The following ABCD3 variants were observed in gnomAD, a reference collection of about 807,000 sequenced individuals.
ABCD3 encodes ATP-binding cassette sub-family D member 3.
ABCD3 carries 41 observed loss-of-function variants against 105.5 expected under a neutral mutation model. The ratio of observed to expected loss-of-function variants is 0.39; its 90% CI spans 0.30 to 0.50. The LOEUF (loss-of-function observed/expected upper bound fraction) is 0.50. Among genes scored for constraint, ABCD3 ranks in the 20% least tolerant of loss-of-function variants. The pLI, the probability that ABCD3 is intolerant of heterozygous loss-of-function variation, is 0.84. For missense variants in ABCD3, 622 were observed against 806.3 expected (o/e 0.77, Z 2.77); for synonymous variants, 258 against 269.0 (o/e 0.96, Z 0.40).
the ABCD3 span, among the ~76,000 whole-genome samples, chr1:94,396,613 G>A: frequency 4.6e-5 from 7 of 151,526 alleles, no homozygotes; most frequent in Admixed American, 2.0e-4. Context: ...GTGTGTGTGC[G>A]CGCGCGCACG....
intron 21 of ABCD3, 143 bp from the exon 22 acceptor site, chr1:94,515,003 A>G: frequency 1.5e-6 from 1 of 665,310 alleles, no homozygotes; most frequent in Non-Finnish European, 2.7e-6. Flanking sequence ...AACATTTTGC[A>G]TCCAGTTGTA....
chr1:94,479,791 A>G (rs967866773), intron 8 of ABCD3, among the ~76,000 whole-genome samples: 1 of 152,060 alleles, frequency 6.6e-6, no homozygotes, highest in African/African-American at 2.4e-5. Flanking sequence ...GAATGAGGGA[A>G]GTGCCTATGA....
At position 94,468,062 on chromosome 1, in the gene ABCD3, T is replaced by C. The variant is rs1648239463; in HGVS notation, c.335+55T>C. On this transcript the variant is annotated intron_variant, in intron 4 of 22. Transcript: ENST00000370214. ...GTATGAAATGCTAATTTGTCTCATA[T>C]TTATGCATTATCTTTATAAGCAACA... 3 of 1,230,360 alleles carry C rather than the reference T, an allele frequency of 2.4e-6. No individual in the cohort carries two copies. In the Admixed American group the frequency reaches 5.1e-5, roughly 21 times the overall value. The allele number at this position is 1,230,360 out of a possible 1,614,324, so 76.2% of individuals were successfully genotyped here. A position where few individuals can be genotyped will look rare whatever the true frequency, so the allele number is the denominator to read the frequency against.
At chr1:94,514,054 A>G (rs993882562) in intron 21 of ABCD3, 5 of 152,084 alleles carry the variant, frequency 3.3e-5, no homozygotes, top group Non-Finnish European at 5.9e-5. Flanking sequence ...TATACTTATA[A>G]TGATCTTTTA....
chr1:94,441,574 T>C (rs531827637), intron 1 of ABCD3, among the ~76,000 whole-genome samples: 3 of 152,266 alleles, frequency 2.0e-5, no homozygotes, highest in African/African-American at 4.8e-5. Context: ...TTACAAACTA[T>C]TGGAGACAAC....
chr1:94,407,803 G>C, the ABCD3 span, among the ~76,000 whole-genome samples: 1 of 152,152 alleles, frequency 6.6e-6, no homozygotes, highest in Non-Finnish European at 1.5e-5. Context: ...TGCAAGCTAA[G>C]AATGGCTTTT....
In ABCD3 at chr1:94,496,694, G is replaced by GTTTTTTTTTTTT. The variant is rs71094302; in HGVS notation, c.1387-1890_1387-1879dup. 2.8e-4 allele frequency among the ~76,000 whole-genome samples: 11 copies of GTTTTTTTTTTTT among 39,374 alleles called. 1 individual carries two copies. Among genetic ancestry groups the GTTTTTTTTTTTT allele is most frequent in the East Asian group, 1.1e-3 (1 of 928 alleles). The allele number at this position is 39,374 out of a possible 152,430, so 25.8% of individuals were successfully genotyped here. On this transcript the variant is annotated intron_variant, in intron 16 of 22. Transcript: ENST00000370214. ...CTTCAGTAAAATCAGCCTTGTTTCT[G>GTTTTTTTTTTTT]TTTTTTTTTTTTTTTTTTTTTTTTT...
chr1:94,516,913 C>T (rs2101076753), intron 22 of ABCD3, 139 bp from the exon 23 acceptor site: 15 of 707,284 alleles, frequency 2.1e-5, no homozygotes, highest in Admixed American at 5.7e-5. Context: ...CATGGAGTTA[C>T]GGAAGCATTC....
At chr1:94,472,627 A>G (rs916523520) in intron 4 of ABCD3, among the ~76,000 whole-genome samples, 2 of 152,158 alleles carry the variant, frequency 1.3e-5, no homozygotes, top group African/African-American at 4.8e-5. Context: ...AAATGCACAT[A>G]CTATACATTA....
At chr1:94,411,994 A>C in the ABCD3 span, among the ~76,000 whole-genome samples, 1 of 152,152 alleles carries the variant, frequency 6.6e-6, no homozygotes, top group Admixed American at 6.6e-5. Flanking sequence ...GACTACGGGG[A>C]GAGGAAGAAG....
chr1:94,480,869 C>T (rs377594447), intron 9 of ABCD3, among the ~76,000 whole-genome samples: 6 of 152,324 alleles, frequency 3.9e-5, no homozygotes, highest in East Asian at 3.9e-4. Flanking sequence ...TTACTTCAGA[C>T]ATAATCAGTT....
chr1:94,445,695 G>A (rs1004706212), intron 1 of ABCD3, among the ~76,000 whole-genome samples: 11 of 152,108 alleles, frequency 7.2e-5, no homozygotes, highest in South Asian at 2.1e-4. Flanking sequence ...GTGACTGTTC[G>A]AGCAGTGCCT....
chr1:94,390,383 A>C, the ABCD3 span, among the ~76,000 whole-genome samples: 9 of 152,024 alleles, frequency 5.9e-5, no homozygotes, highest in Non-Finnish European at 1.3e-4. Context: ...GCTCACTGCA[A>C]CCTCTGCCCC....
the ABCD3 span, among the ~76,000 whole-genome samples, chr1:94,390,822 C>A: frequency 6.6e-6 from 1 of 152,094 alleles, no homozygotes; most frequent in East Asian, 1.9e-4. Flanking sequence ...GAGAAATAGC[C>A]AAAGGTTAGA....
intron 1 of ABCD3, among the ~76,000 whole-genome samples, chr1:94,436,895 T>A (rs1348572438): frequency 6.6e-6 from 1 of 152,182 alleles, no homozygotes; most frequent in African/African-American, 2.4e-5. Flanking sequence ...AGAAACAGCC[T>A]TATTGCTGAT....
chr1:94,514,877 A>G (rs1022572878), intron 21 of ABCD3: 2 of 401,078 alleles, frequency 5.0e-6, no homozygotes, highest in Admixed American at 7.9e-5. Context: ...TTTTCACAAT[A>G]AAATAGGAGA....
chr1:94,418,584 C>T lies in ABCD3; in HGVS notation c.106C>T (p.His36Tyr). 1 of 1,596,178 alleles carries T rather than the reference C, an allele frequency of 6.3e-7. No homozygotes were observed. The change falls in exon 1 of 23, where the codon CAC (histidine) becomes TAC (tyrosine). Residue 36 changes from histidine to tyrosine, a missense_variant. By Grantham distance (83) the His-to-Tyr change is moderately conservative. Transcript: ENST00000370214. ...CAAGCGGCGCCGCGCCCTCGGCCTG[C>T]ACGGGTAAGAAGGCCCGTAGCCGTG... ...LHKRRRALGLHGKKSGKPPLQ... is the reference protein window; with the variant it reads ...LHKRRRALGLYGKKSGKPPLQ...
In ABCD3 at chr1:94,438,726, G is replaced by A. The variant is rs368570202; in HGVS notation, c.111-19881G>A. Among the ~76,000 whole-genome samples the A allele has an allele frequency of 1.2e-4, 19 of 152,206 alleles. No homozygotes were observed. In the South Asian group the frequency reaches 1.7e-3, roughly 13 times the overall value. ...GAGGCAAGACCCTCAACCAGCAAAAGGATGAACATTTTTTAGCAATAAAGT... is the reference window on the plus strand; with the variant it reads ...GAGGCAAGACCCTCAACCAGCAAAAAGATGAACATTTTTTAGCAATAAAGT... On this transcript the variant is annotated intron_variant, in intron 1 of 22. Transcript: ENST00000370214.
At chr1:94,428,043 G>C (rs1389233011) in intron 1 of ABCD3, among the ~76,000 whole-genome samples, 4 of 151,148 alleles carry the variant, frequency 2.6e-5, no homozygotes, top group Non-Finnish European at 5.9e-5. Context: ...AGCCTTCTTA[G>C]GTAAAATAGG....
Sources: gnomAD v4.1 joint callset for allele counts (sites outside exome capture counted in the v4.1 genomes callset) on GRCh38, gnomAD v4.1.1 for gene constraint, MANE v1.5 for transcripts, NCBI Gene and HGNC (gene_info 2026-07-23, HGNC 2026-07-21) for gene names.